DNAH3: variants seen among roughly 807,000 people sequenced by gnomAD.
DNAH3 encodes dynein axonemal heavy chain 3.
Under a neutral mutation model 432.5 loss-of-function variants are expected in DNAH3, and 332 were observed. The ratio of observed to expected loss-of-function variants is 0.77; its 90% CI spans 0.70 to 0.84. The LOEUF is 0.84. Among genes scored for constraint, DNAH3 ranks in the 40% least tolerant of loss-of-function variants. The pLI is 0.00. For synonymous variants in DNAH3, 1,956 were observed against 1,900.2 expected (o/e 1.03, Z -0.76); for missense variants, 4,861 against 5,114.0 (o/e 0.95, Z 1.51).
intron 58 of DNAH3, among the ~76,000 whole-genome samples, chr16:20,944,087 C>G (rs1016599981): frequency 3.3e-5 from 5 of 151,316 alleles, no homozygotes; most frequent in Admixed American, 6.6e-5. Flanking sequence ...TTGTGCGTAT[C>G]ATGACTTTAT....
In DNAH3 at chr16:21,022,177, G is replaced by C. The variant is rs1222541572; in HGVS notation, c.5647-77C>G. On this transcript the variant is annotated intron_variant, in intron 39 of 61. Transcript: ENST00000261383. Reference sequence around the variant, plus strand: ...GACGACCAAGAGCTTGGTCTACCTTGTGAGGCTAGAGATGCTGGTTAGACT... The same window carrying C: ...GACGACCAAGAGCTTGGTCTACCTTCTGAGGCTAGAGATGCTGGTTAGACT... The C allele has an allele frequency of 7.3e-6, 11 of 1,515,976 alleles. No homozygotes were observed. The East Asian group carries it at 2.5e-4, about 34-fold the overall frequency. 93.9% of individuals were successfully genotyped at this position (1,515,976 alleles called of 1,614,324 possible).
At chr16:20,967,573 G>A (rs2085121864) in intron 52 of DNAH3, among the ~76,000 whole-genome samples, 2 of 147,094 alleles carry the variant, frequency 1.4e-5, no homozygotes, top group Admixed American at 1.4e-4. Context: ...CGTGGTCTCG[G>A]CTCACTGCAA....
chr16:21,022,052 G>A (rs146618931), exon 40 of DNAH3: 11 of 1,613,952 alleles, frequency 6.8e-6, no homozygotes, highest in Admixed American at 1.7e-5. Context: ...CAATGAAGGC[G>A]ACCAAATTCC....
intron 58 of DNAH3, among the ~76,000 whole-genome samples, chr16:20,943,653 G>T (rs1285437092): frequency 1.3e-5 from 2 of 152,240 alleles, no homozygotes; most frequent in African/African-American, 4.8e-5. Flanking sequence ...TCAGCTCAGG[G>T]GCTTTGGCCA....
At chr16:21,081,987 C>T (rs952427115) in intron 19 of DNAH3, among the ~76,000 whole-genome samples, 2 of 152,148 alleles carry the variant, frequency 1.3e-5, no homozygotes, top group Admixed American at 6.5e-5. Flanking sequence ...GCTGCTTTGA[C>T]CTCCCAGGCC....
chr16:20,941,390 A>G lies in DNAH3; in HGVS notation c.11654+11T>C. ...CAACTCCCAGGATTCAAGCTACATCATCTGGCCCACCTGTTGAATCTGATG... is the reference window on the plus strand; with the variant it reads ...CAACTCCCAGGATTCAAGCTACATCGTCTGGCCCACCTGTTGAATCTGATG... On this transcript the variant is annotated intron_variant, in intron 59 of 61. Transcript: ENST00000261383. 1 of 1,613,738 alleles carries G rather than the reference A, an allele frequency of 6.2e-7. No homozygotes were observed. Among genetic ancestry groups the G allele is most frequent in the Non-Finnish European group, 8.5e-7 (1 of 1,179,810 alleles).
chr16:21,049,659 A>G (rs773399038), exon 31 of DNAH3: 162 of 1,614,042 alleles, frequency 1.0e-4, no homozygotes, highest in Non-Finnish European at 1.3e-4. Flanking sequence ...AATCCAAACC[A>G]TCGGAGCAGT....
chr16:21,116,883 C>T (rs1011647238), intron 12 of DNAH3, among the ~76,000 whole-genome samples: 5 of 152,174 alleles, frequency 3.3e-5, no homozygotes, highest in Non-Finnish European at 7.3e-5. Flanking sequence ...ATGATATACG[C>T]ATTATGTTAC....
At chr16:20,940,675 TC>T (rs1248086652) in intron 59 of DNAH3, among the ~76,000 whole-genome samples, 1 of 151,392 alleles carries the variant, frequency 6.6e-6, no homozygotes, top group Non-Finnish European at 1.5e-5. Context: ...CAGGTGATCC[TC>T]CCTACTCTGC....
rs2084368179 is a variant in DNAH3, at chr16:20,952,648, G to A, written c.11072-99C>T. On this transcript the variant is annotated intron_variant, in intron 55 of 61. Coordinates refer to ENST00000261383, the Ensembl canonical transcript of DNAH3. ...AGTTAAGCATCATTATGGATCAAAA[G>A]CCTCTTTCAGGCTCATGAATATCAA... is the stretch of plus-strand genomic sequence containing the variant. The A allele has an allele frequency of 1.3e-5, 10 of 773,302 alleles. No homozygotes were observed. In the South Asian group the frequency reaches 1.4e-4, roughly 11 times the overall value. The allele number at this position is 773,302 out of a possible 1,614,324, so 47.9% of individuals were successfully genotyped here. A position where few individuals can be genotyped will look rare whatever the true frequency, so the allele number is the denominator to read the frequency against.
intron 43 of DNAH3, among the ~76,000 whole-genome samples, chr16:20,999,485 C>T (rs2086914517): frequency 6.6e-6 from 1 of 152,120 alleles, no homozygotes; most frequent in African/African-American, 2.4e-5. Context: ...AAGGCATATC[C>T]TGAAATAATC....
At chr16:20,955,701 T>C (rs2084530843) in intron 54 of DNAH3, among the ~76,000 whole-genome samples, 1 of 152,058 alleles carries the variant, frequency 6.6e-6, no homozygotes, top group Non-Finnish European at 1.5e-5. Flanking sequence ...ACAGAAAAAG[T>C]TTGCTGATGC....
At chr16:21,146,076 C>T in exon 2 of DNAH3, 1 of 1,612,948 alleles carries the variant, frequency 6.2e-7, no homozygotes, top group African/African-American at 1.3e-5. Flanking sequence ...TGTATGGAGT[C>T]ACTTTTGGCG....
chr16:21,042,677 T>C (rs895648067), intron 31 of DNAH3, among the ~76,000 whole-genome samples: 3 of 152,124 alleles, frequency 2.0e-5, no homozygotes, highest in African/African-American at 7.2e-5. Flanking sequence ...TCTTTTTTCT[T>C]TTTTTTAATT....
At chr16:20,983,993 C>T (rs1219133189) in intron 48 of DNAH3, among the ~76,000 whole-genome samples, 1 of 148,372 alleles carries the variant, frequency 6.7e-6, no homozygotes, top group Non-Finnish European at 1.5e-5. Flanking sequence ...CATCACTGCA[C>T]TCCAGCCTGG....
chr16:21,097,034 ATGGCACCC>A (rs1215023462), intron 18 of DNAH3, among the ~76,000 whole-genome samples: 1 of 152,096 alleles, frequency 6.6e-6, no homozygotes, highest in African/African-American at 2.4e-5. Context: ...ACAAATGTCT[ATGGCACCC>A]TGGCACCCTG....
At chr16:20,949,217 C>T (rs1596908459) in intron 56 of DNAH3, among the ~76,000 whole-genome samples, 1 of 117,572 alleles carries the variant, frequency 8.5e-6, no homozygotes, top group Non-Finnish European at 1.6e-5. Context: ...CGCAGAGCTA[C>T]AAGAGTACTG....
At chr16:20,977,799 G>A (rs1177932173) in intron 50 of DNAH3, among the ~76,000 whole-genome samples, 1 of 152,182 alleles carries the variant, frequency 6.6e-6, no homozygotes, top group Non-Finnish European at 1.5e-5. Context: ...GTTAACTGGT[G>A]CAATCATTTT....
intron 44 of DNAH3, among the ~76,000 whole-genome samples, chr16:20,989,155 G>GC (rs1326186582): frequency 2.0e-5 from 3 of 152,120 alleles, no homozygotes; most frequent in Non-Finnish European, 4.4e-5. Flanking sequence ...CTCTTATCTG[G>GC]CCCCACCCAC....
Sources: gnomAD v4.1 joint callset for allele counts (sites outside exome capture counted in the v4.1 genomes callset) on GRCh38, gnomAD v4.1.1 for gene constraint, MANE v1.5 for transcripts, NCBI Gene and HGNC (gene_info 2026-07-23, HGNC 2026-07-21) for gene names.